The following SATL1 variants were observed in gnomAD, a reference collection of about 807,000 sequenced individuals.
SATL1 encodes spermidine/spermine N(1)-acetyltransferase-like protein 1.
A neutral mutation model predicts 51.8 loss-of-function variants in SATL1; 47 were observed. The ratio of observed to expected loss-of-function variants is 0.91; its 90% confidence interval spans 0.72 to 1.16. The LOEUF (loss-of-function observed/expected upper bound fraction) is 1.16, where lower values mean the gene tolerates loss of function less well. Among genes scored for constraint, SATL1 ranks in the 50% most tolerant of loss-of-function variants. The pLI is 0.00. For missense variants in SATL1, 520 were observed against 526.4 expected (o/e 0.99, Z 0.12); for synonymous variants, 176 against 182.4 (o/e 0.97, Z 0.28).
At position 85,188,463 on chromosome X, in the gene SATL1, G is replaced by A. The variant is rs1165960319; in HGVS notation, c.-313+35742C>T. ...ATTGTAATATCAATTAGCTACAACC[G>A]TTTTATGCAGAGATAGGTTTCTCAA... On this transcript the variant is annotated intron_variant, in intron 2 of 7. Coordinates refer to ENST00000644105, the MANE Select transcript of SATL1 (RefSeq NM_001367857.2). Among the ~76,000 whole-genome samples, 8 of 111,247 alleles carry A rather than the reference G, an allele frequency of 7.2e-5. No homozygotes were observed. In the East Asian group the frequency reaches 1.7e-3, roughly 24 times the overall value.
chrX:85,150,379 C>T (rs1926393311), intron 2 of SATL1, among the ~76,000 whole-genome samples: 1 of 109,929 alleles, frequency 9.1e-6, no homozygotes, highest in African/African-American at 3.3e-5. Flanking sequence ...CGAATTCTAC[C>T]AGAGGTACAA....
chrX:85,168,459 C>T (rs1287073462), intron 2 of SATL1, among the ~76,000 whole-genome samples: 1 of 111,403 alleles, frequency 9.0e-6, no homozygotes, highest in South Asian at 3.8e-4. Context: ...GTACAAAAGT[C>T]GTTAGCATTC....
chrX:85,158,559 T>G (rs1412335753), intron 2 of SATL1, among the ~76,000 whole-genome samples: 1 of 112,026 alleles, frequency 8.9e-6, no homozygotes, highest in African/African-American at 3.2e-5. Flanking sequence ...TAGTTCAGCC[T>G]TTTCCATAGG....
chrX:85,217,449 G>A (rs1928071752), intron 2 of SATL1, among the ~76,000 whole-genome samples: 1 of 111,238 alleles, frequency 9.0e-6, no homozygotes, highest in South Asian at 3.8e-4. Flanking sequence ...AAGACAAAAA[G>A]TTGAAGTGAC....
chrX:85,200,697 G>A (rs1015233989), intron 2 of SATL1, among the ~76,000 whole-genome samples: 14 of 111,211 alleles, frequency 1.3e-4, no homozygotes, highest in Non-Finnish European at 1.3e-4. Context: ...AAAATAAGAG[G>A]TGATACATGT....
At chrX:85,237,230 G>A (rs1159041730) in intron 1 of SATL1, among the ~76,000 whole-genome samples, 1 of 110,957 alleles carries the variant, frequency 9.0e-6, no homozygotes, top group Non-Finnish European at 1.9e-5. Context: ...AAAAGATGCA[G>A]AATAGCTAAA....
intron 2 of SATL1, among the ~76,000 whole-genome samples, chrX:85,190,506 A>G (rs1198552232): frequency 9.0e-6 from 1 of 111,422 alleles, no homozygotes; most frequent in Non-Finnish European, 1.9e-5. Flanking sequence ...CTATCAACAA[A>G]CTATCAACAT....
intron 2 of SATL1, chrX:85,208,915 G>T (rs1393787785): frequency 5.4e-5 from 6 of 111,994 alleles, no homozygotes; most frequent in Non-Finnish European, 1.1e-4. Context: ...GATCCCATTT[G>T]TCAATTTTGG....
intron 7 of SATL1, 44 bp from the exon 8 acceptor site, chrX:85,092,605 A>G (rs1924558306): frequency 3.6e-6 from 4 of 1,117,999 alleles, no homozygotes; most frequent in Non-Finnish European, 4.9e-6. Flanking sequence ...ATTTGAAAGT[A>G]TAATCTTCGT....
chrX:85,135,300 C>T (rs1925924933), intron 2 of SATL1, among the ~76,000 whole-genome samples: 1 of 110,313 alleles, frequency 9.1e-6, no homozygotes, highest in African/African-American at 3.3e-5. Context: ...AACAAACCTG[C>T]ACATCCTGCA....
intron 2 of SATL1, among the ~76,000 whole-genome samples, chrX:85,181,177 A>G (rs1339752735): frequency 2.2e-5 from 2 of 91,799 alleles, no homozygotes; most frequent in African/African-American, 1.0e-4. Context: ...ATATATATAT[A>G]TGTGTGTGTG....
chrX:85,131,594 C>G (rs1027167338), intron 2 of SATL1, among the ~76,000 whole-genome samples: 11 of 111,153 alleles, frequency 9.9e-5, no homozygotes, highest in South Asian at 7.6e-4. Flanking sequence ...GGTATTGACT[C>G]TTTATCCAAT....
chrX:85,204,727 C>T (rs139528671), intron 2 of SATL1, among the ~76,000 whole-genome samples: 3,141 of 111,589 alleles, frequency 0.028, 114 homozygotes, highest in African/African-American at 0.097. Flanking sequence ...CCTGTGAATA[C>T]GCACAGGGGT....
intron 2 of SATL1, among the ~76,000 whole-genome samples, chrX:85,179,819 G>A (rs1344818239): frequency 2.7e-5 from 3 of 109,521 alleles, no homozygotes; most frequent in African/African-American, 9.9e-5. Flanking sequence ...CAGGGCCATG[G>A]GACTAAGCAA....
In SATL1 at chrX:85,221,312, C is replaced by G. The variant is rs187150907; in HGVS notation, c.-313+2893G>C. ...CTTACTATGATGTAAGCACACAATA[C>G]TTTACATGCAATCTTATGCCATCCT... On this transcript the variant is annotated intron_variant, in intron 2 of 7. Transcript: ENST00000644105. Among the ~76,000 whole-genome samples the G allele has an allele frequency of 2.6e-3, 292 of 111,803 alleles. 1 individual carries two copies. The highest frequency in any genetic ancestry group is 4.3e-3 in the Non-Finnish European group (226 of 53,156).
intron 2 of SATL1, among the ~76,000 whole-genome samples, chrX:85,144,505 C>T (rs1602865009): frequency 8.9e-6 from 1 of 111,869 alleles, no homozygotes; most frequent in East Asian, 2.8e-4. Context: ...CATGGAATCT[C>T]TTCTTTGTGT....
chrX:85,151,572 C>G (rs1289567020), intron 2 of SATL1, among the ~76,000 whole-genome samples: 4 of 111,540 alleles, frequency 3.6e-5, no homozygotes, highest in Non-Finnish European at 7.5e-5. Context: ...AACTATACTA[C>G]AAGGCTACAG....
At chrX:85,197,508 T>A (rs1476508112) in intron 2 of SATL1, among the ~76,000 whole-genome samples, 1 of 110,468 alleles carries the variant, frequency 9.1e-6, no homozygotes, top group Non-Finnish European at 1.9e-5. Context: ...TACTTTATTA[T>A]TATTGTACTT....
At chrX:85,167,001 TGTATATATGTGTG>T (rs1366460119) in intron 2 of SATL1, among the ~76,000 whole-genome samples, 6 of 105,137 alleles carry the variant, frequency 5.7e-5, no homozygotes, top group African/African-American at 2.1e-4. Flanking sequence ...TAAAGGTGTG[TGTATATATGTGTG>T]GTATATATGT....
Sources: gnomAD v4.1 joint callset for allele counts (sites outside exome capture counted in the v4.1 genomes callset) on GRCh38, gnomAD v4.1.1 for gene constraint, MANE v1.5 for transcripts, NCBI Gene and HGNC (gene_info 2026-07-23, HGNC 2026-07-21) for gene names.